Variants in ARSB observed in about 807,000 individuals in gnomAD.
ARSB encodes the protein arylsulfatase B, also known as N-acetylgalactosamine-4-sulfatase.
Under a neutral mutation model 50.9 loss-of-function variants are expected in ARSB, and 41 were observed. That is an observed-to-expected ratio of 0.81 (90% CI 0.63 to 1.04). The LOEUF is 1.04. Ranked by LOEUF, ARSB falls within the 50% of genes least tolerant of loss-of-function variation. The pLI is 0.00. For missense variants in ARSB, 672 were observed against 693.3 expected, an observed-to-expected ratio of 0.97 and a Z score of 0.35; for synonymous variants, 269 against 284.8, an observed-to-expected ratio of 0.94 and a Z score of 0.56.
chr5:78,899,020 TTGTC>T (rs1460829622), intron 4 of ARSB, among the ~76,000 whole-genome samples: 5 of 152,178 alleles, frequency 3.3e-5, no homozygotes, highest in African/African-American at 1.2e-4. Flanking sequence ...CAGCTTTTGT[TTGTC>T]TGGGAAAGAT....
At chr5:78,791,558 G>A (rs1042421725) in intron 6 of ARSB, among the ~76,000 whole-genome samples, 3 of 152,202 alleles carry the variant, frequency 2.0e-5, no homozygotes, top group Non-Finnish European at 4.4e-5. Context: ...CACCCAGGCC[G>A]CATCTGAGCG....
intron 4 of ARSB, among the ~76,000 whole-genome samples, chr5:78,909,942 C>A (rs750097177): frequency 6.6e-6 from 1 of 152,330 alleles, no homozygotes; most frequent in East Asian, 1.9e-4. Context: ...GAAAAGCCGC[C>A]CTGTGGCGGG....
intron 4 of ARSB, among the ~76,000 whole-genome samples, chr5:78,907,347 C>T (rs1161724209): frequency 6.6e-6 from 1 of 152,210 alleles, no homozygotes; most frequent in Non-Finnish European, 1.5e-5. Flanking sequence ...GTTCTTCCCT[C>T]GCCTTCTCTC....
At chr5:78,905,509 A>G (rs1343734932) in intron 4 of ARSB, among the ~76,000 whole-genome samples, 1 of 152,068 alleles carries the variant, frequency 6.6e-6, no homozygotes, top group Non-Finnish European at 1.5e-5. Flanking sequence ...GTTTTGTCTC[A>G]CCTTCTGTGG....
chr5:78,864,898 T>A (rs1488836703), intron 5 of ARSB, among the ~76,000 whole-genome samples: 2 of 152,222 alleles, frequency 1.3e-5, no homozygotes, highest in Non-Finnish European at 2.9e-5. Flanking sequence ...AAACTCCATG[T>A]CTCACATCCA....
intron 5 of ARSB, among the ~76,000 whole-genome samples, chr5:78,855,801 T>C (rs958554219): frequency 6.6e-6 from 1 of 152,124 alleles, no homozygotes; most frequent in Non-Finnish European, 1.5e-5. Flanking sequence ...GTTTACCTCC[T>C]TGCAGTAGGG....
At chr5:78,844,350 T>C (rs1203859074) in intron 5 of ARSB, among the ~76,000 whole-genome samples, 1 of 152,210 alleles carries the variant, frequency 6.6e-6, no homozygotes, top group Non-Finnish European at 1.5e-5. Flanking sequence ...TTTGGAGAAA[T>C]GTCTATTCAG....
chr5:78,862,888 A>G (rs1057437723), intron 5 of ARSB, among the ~76,000 whole-genome samples: 5 of 152,200 alleles, frequency 3.3e-5, no homozygotes, highest in Non-Finnish European at 7.4e-5. Flanking sequence ...GAATCTACAA[A>G]GAACTTAAAC....
intron 4 of ARSB, among the ~76,000 whole-genome samples, chr5:78,889,310 T>A (rs1748176364): frequency 6.6e-6 from 1 of 152,216 alleles, no homozygotes. Context: ...AATGGAACCA[T>A]CAGCATTTCA....
intron 6 of ARSB, chr5:78,816,050 C>A: frequency 6.2e-7 from 1 of 1,613,908 alleles, no homozygotes; most frequent in Non-Finnish European, 8.5e-7. Flanking sequence ...TTTCTTATGC[C>A]CTGGGTTATC....
intron 5 of ARSB, among the ~76,000 whole-genome samples, chr5:78,851,139 T>C (rs987452552): frequency 6.6e-6 from 1 of 152,244 alleles, no homozygotes; most frequent in African/African-American, 2.4e-5. Context: ...CTAGTTGTTT[T>C]AATTGTGATG....
chr5:78,963,060 T>C (rs1752060667), intron 3 of ARSB, among the ~76,000 whole-genome samples: 1 of 152,240 alleles, frequency 6.6e-6, no homozygotes, highest in African/African-American at 2.4e-5. Flanking sequence ...TAATGGCAGC[T>C]GTCTGGGTCA....
At chr5:78,950,204 G>A (rs764076478) in intron 4 of ARSB, among the ~76,000 whole-genome samples, 1 of 152,092 alleles carries the variant, frequency 6.6e-6, no homozygotes, top group African/African-American at 2.4e-5. Context: ...ACTACCCTGC[G>A]AAAACAACAA....
In ARSB at chr5:78,972,516, TACACACAC is replaced by T. The variant is rs59035274; in HGVS notation, c.313-3332_313-3325del. Among the ~76,000 whole-genome samples, 4 of 145,686 alleles carry T rather than the reference TACACACAC, an allele frequency of 2.7e-5. No individual in the cohort carries two copies. The East Asian group carries it at 6.0e-4, about 22-fold the overall frequency. On this transcript the variant is annotated intron_variant, in intron 1 of 7. Coordinates refer to ENST00000264914, the MANE Select transcript of ARSB (RefSeq NM_000046.5). ...CTCTTAGCACATTTGCACGCATACG[TACACACAC>T]ACACACACACACACACACACCCCAA...
At chr5:78,907,593 AG>A (rs1749120338) in intron 4 of ARSB, among the ~76,000 whole-genome samples, 1 of 152,234 alleles carries the variant, frequency 6.6e-6, no homozygotes. Flanking sequence ...AAAATCACAA[AG>A]GCAGCGCCTT....
At chr5:78,877,386 A>T (rs1278038596) in intron 5 of ARSB, among the ~76,000 whole-genome samples, 2 of 151,894 alleles carry the variant, frequency 1.3e-5, no homozygotes, top group Non-Finnish European at 2.9e-5. Context: ...CTTTATTTTT[A>T]TTTATTTATT....
At chr5:78,787,085 G>A (rs953436726) in intron 6 of ARSB, among the ~76,000 whole-genome samples, 8 of 125,696 alleles carry the variant, frequency 6.4e-5, no homozygotes, top group African/African-American at 2.0e-4. Context: ...TTAAAAAATC[G>A]ATAACCATCT....
At chr5:78,830,633 G>C (rs1274856261) in intron 6 of ARSB, among the ~76,000 whole-genome samples, 1 of 152,204 alleles carries the variant, frequency 6.6e-6, no homozygotes, top group Non-Finnish European at 1.5e-5. Flanking sequence ...TGTGTGAAGT[G>C]GGGTGGAGGG....
intron 3 of ARSB, among the ~76,000 whole-genome samples, chr5:78,958,105 C>T (rs1297815759): frequency 6.6e-6 from 1 of 152,016 alleles, no homozygotes; most frequent in African/African-American, 2.4e-5. Flanking sequence ...GGCCCCATCC[C>T]CCTCAAATGC....
Sources: gnomAD v4.1 joint callset for allele counts (sites outside exome capture counted in the v4.1 genomes callset) on GRCh38, gnomAD v4.1.1 for gene constraint, MANE v1.5 for transcripts, NCBI Gene and HGNC (gene_info 2026-07-23, HGNC 2026-07-21) for gene names.